Variants in NCAPG2 observed in about 807,000 individuals in gnomAD.
NCAPG2 encodes condensin-2 complex subunit G2.
NCAPG2 carries 53 observed loss-of-function variants against 141.1 expected under a neutral mutation model. The ratio of observed to expected loss-of-function variants is 0.38; its 90% CI spans 0.30 to 0.47. The LOEUF is 0.47. Ranked by LOEUF, NCAPG2 falls within the 20% of genes least tolerant of loss-of-function variation. The probability of loss-of-function intolerance (pLI) is 0.99; values close to 1 mark genes in which losing one functional copy is unlikely to be tolerated. For missense variants in NCAPG2, 1,087 were observed against 1,389.0 expected, an observed-to-expected ratio of 0.78 and a Z score of 3.46; for synonymous variants, 499 against 490.7, an observed-to-expected ratio of 1.02 and a Z score of -0.22.
At chr7:158,665,089 T>C (rs1832813509) in intron 13 of NCAPG2, 1 of 196,314 alleles carries the variant, frequency 5.1e-6, no homozygotes. Flanking sequence ...GTACCTTAAC[T>C]TTTGGCCCAT....
intron 13 of NCAPG2, among the ~76,000 whole-genome samples, chr7:158,666,845 C>G (rs1014713996): frequency 9.2e-5 from 14 of 152,130 alleles, no homozygotes; most frequent in African/African-American, 3.4e-4. Flanking sequence ...GGGCTCAGCC[C>G]AGCAGCCCAG....
In NCAPG2 at chr7:158,650,988, T is replaced by C. The variant is rs771592449; in HGVS notation, c.2935-16A>G. 2 of 1,554,162 alleles carry C rather than the reference T, an allele frequency of 1.3e-6. No individual in the cohort carries two copies. The highest frequency in any genetic ancestry group is 2.4e-5 in the South Asian group (2 of 82,750). On this transcript the variant is annotated splice_polypyrimidine_tract_variant and intron_variant, in intron 23 of 27. Coordinates refer to ENST00000356309, the MANE Select transcript of NCAPG2 (RefSeq NM_017760.7). ...AATAAAGCAGCTACAAGAAAACACA[T>C]ACGTCACTTTTAATGACTAAAAACC...
chr7:158,639,807 C>G (rs931595501), intron 27 of NCAPG2: 1 of 960,542 alleles, frequency 1.0e-6, no homozygotes, highest in Non-Finnish European at 1.2e-6. Context: ...ACAAAACAAC[C>G]AACAACCATT....
chr7:158,641,559 G>GGA, intron 27 of NCAPG2: 2 of 483,772 alleles, frequency 4.1e-6, no homozygotes, highest in East Asian at 7.0e-5. Context: ...TCATATCTTG[G>GGA]AAAAAAAAAA....
At chr7:158,635,221 C>A (rs1368039353) in intron 27 of NCAPG2, among the ~76,000 whole-genome samples, 1 of 151,748 alleles carries the variant, frequency 6.6e-6, no homozygotes, top group African/African-American at 2.4e-5. Context: ...GGAAGCATAC[C>A]ACTAAATAAG....
At chr7:158,668,240 CCCTCCTT>C (rs1833367045) in intron 13 of NCAPG2, 1 of 355,172 alleles carries the variant, frequency 2.8e-6, no homozygotes, top group African/African-American at 1.3e-4. Flanking sequence ...GGTCCCTCTG[CCCTCCTT>C]ACCCACTACT....
In NCAPG2 at chr7:158,648,746, GCCAAAT is replaced by G; in HGVS notation, c.3075+2080_3075+2085del. On this transcript the variant is annotated intron_variant, in intron 24 of 27. Coordinates refer to ENST00000356309, the MANE Select transcript of NCAPG2 (RefSeq NM_017760.7). ...ACCACGCCAAATGGACCACAACCAC[GCCAAAT>G]GGACCACAACCACGCCAAATGGACC... 3.2e-4 allele frequency among the ~76,000 whole-genome samples: 11 copies of G among 34,300 alleles called. 1 individual carries two copies. Among genetic ancestry groups the G allele is most frequent in the Non-Finnish European group, 4.1e-4 (7 of 17,188 alleles). The allele number at this position is 34,300 out of a possible 152,430, so 22.5% of individuals were successfully genotyped here. A position where few individuals can be genotyped will look rare whatever the true frequency, so the allele number is the denominator to read the frequency against.
intron 19 of NCAPG2, among the ~76,000 whole-genome samples, chr7:158,655,750 C>CCTCCCCATGTGCCCTG (rs1831921437): frequency 4.0e-5 from 6 of 151,286 alleles, no homozygotes; most frequent in African/African-American, 9.7e-5. Flanking sequence ...CTGCCTGGCT[C>CCTCCCCATGTGCCCTG]CACTCTGCTG....
chr7:158,638,177 T>C (rs572884997), intron 27 of NCAPG2, among the ~76,000 whole-genome samples: 3 of 152,258 alleles, frequency 2.0e-5, no homozygotes, highest in South Asian at 4.2e-4. Context: ...GACACTGAGC[T>C]TTCCCTATCC....
At chr7:158,686,452 T>G (rs540550882) in intron 7 of NCAPG2, among the ~76,000 whole-genome samples, 4 of 152,292 alleles carry the variant, frequency 2.6e-5, no homozygotes, top group Admixed American at 2.0e-4. Context: ...GACGAACTAT[T>G]TCATCCTTCT....
Position 158,654,581 on chromosome 7 carries a change from A to C in NCAPG2, c.2746+14T>G. The C allele has an allele frequency of 6.2e-7, 1 of 1,612,298 alleles. No homozygotes were observed. ...TTCTGAGTATTTATTGCTCTAAAAC[A>C]GCCCTGACTGTACCTGTTTGCATGA... is the stretch of plus-strand genomic sequence containing the variant. On this transcript the variant is annotated intron_variant, in intron 22 of 27. Coordinates refer to ENST00000356309, the MANE Select transcript of NCAPG2 (RefSeq NM_017760.7).
chr7:158,640,666 G>C (rs969621965), intron 27 of NCAPG2: 2 of 152,112 alleles, frequency 1.3e-5, no homozygotes, highest in African/African-American at 4.8e-5. Flanking sequence ...CCAAAATTAA[G>C]AGAATTAGTT....
intron 15 of NCAPG2, 128 bp downstream of exon 15, chr7:158,664,055 TC>T (rs1443493570): frequency 1.1e-5 from 8 of 746,570 alleles, no homozygotes; most frequent in Non-Finnish European, 1.8e-5. Context: ...TTTATGACCT[TC>T]CAAAATAACT....
chr7:158,689,744 G>A, intron 6 of NCAPG2, 75 bp downstream of exon 6: 4 of 1,355,176 alleles, frequency 3.0e-6, no homozygotes, highest in Non-Finnish European at 3.9e-6. Context: ...GTGCAGACAG[G>A]AACCATGTGA....
Position 158,664,280 on chromosome 7 carries a change from A to T in NCAPG2, c.1719T>A (p.Val573=). ...ACTNIAKLIH[V]IRHCLNACIQ... ...TACAGGCATTTAAGCAATGACGAAT[A>T]ACGTGAATCAGCTTTGCTGAAATGT... Residue 573 remains valine, a synonymous_variant, in exon 15 of 28, where the codon GTT becomes GTA. Transcript: ENST00000356309. 1 of 1,613,154 alleles carries T rather than the reference A, an allele frequency of 6.2e-7. No homozygotes were observed. The highest frequency in any genetic ancestry group is 8.5e-7 in the Non-Finnish European group (1 of 1,179,082).
chr7:158,661,617 G>A (rs1191742324), intron 16 of NCAPG2, among the ~76,000 whole-genome samples: 2 of 152,174 alleles, frequency 1.3e-5, no homozygotes, highest in Non-Finnish European at 2.9e-5. Flanking sequence ...TCTCGCCACA[G>A]AAATGGTAAG....
In NCAPG2 at chr7:158,690,607, G is replaced by A. The variant is rs1563574839; in HGVS notation, c.498C>T (p.Ala166=). 6.2e-7 allele frequency: 1 copy of A among 1,614,170 alleles called. No individual in the cohort carries two copies. The highest frequency in any genetic ancestry group is 8.5e-7 in the Non-Finnish European group (1 of 1,180,016). ...LPAKEDTGKT[A]FVMLLRRSLE... is the part of the protein sequence containing the mutation. ...GACTCCTCCTTAGTAACATGACAAA[G>A]GCTGTCTTTCCTGTGTCTTCCTTGG... The change falls in exon 5 of 28, where the codon GCC becomes GCT. Residue 166 remains alanine, a synonymous_variant. Coordinates refer to ENST00000356309, the MANE Select transcript of NCAPG2 (RefSeq NM_017760.7).
chr7:158,662,103 C>G (rs1471357305), intron 16 of NCAPG2, 91 bp downstream of exon 16: 2 of 1,222,578 alleles, frequency 1.6e-6, no homozygotes, highest in Non-Finnish European at 2.2e-6. Flanking sequence ...AACACAGATC[C>G]AGGGAGGTAA....
chr7:158,653,378 T>TAA (rs1554553485), intron 22 of NCAPG2, among the ~76,000 whole-genome samples: 6 of 38,138 alleles, frequency 1.6e-4, no homozygotes, highest in African/African-American at 4.5e-4. Flanking sequence ...AAAAAAAAAA[T>TAA]AAAAAAAAAA....
Sources: gnomAD v4.1 joint callset for allele counts (sites outside exome capture counted in the v4.1 genomes callset) on GRCh38, gnomAD v4.1.1 for gene constraint, MANE v1.5 for transcripts, NCBI Gene and HGNC (gene_info 2026-07-23, HGNC 2026-07-21) for gene names.